The following ZNF268 variants were observed in gnomAD, a reference collection of about 807,000 sequenced individuals.
The protein encoded by ZNF268 is zinc finger protein 3.
In ZNF268, 20 loss-of-function variants were observed where a neutral mutation model predicts 29.3. The ratio of observed to expected loss-of-function variants is 0.68; its 90% CI spans 0.48 to 0.99. The LOEUF is 0.99. Ranked by LOEUF, ZNF268 falls within the 50% of genes least tolerant of loss-of-function variation. The pLI is 0.00. For missense variants in ZNF268, 1,240 were observed against 1,121.6 expected, an observed-to-expected ratio of 1.11 and a Z score of -1.51; for synonymous variants, 429 against 376.9, an observed-to-expected ratio of 1.14 and a Z score of -1.60.
Position 133,181,941 on chromosome 12 carries a change from T to C in ZNF268, c.-52-5T>C. ...CCTCTTTCTTCACTGTGCTCTCTCT[T>C]CTAGCATCCCTCGCGTCCTGTCACT... is the stretch of plus-strand genomic sequence containing the variant. On this transcript the variant is annotated splice_region_variant and splice_polypyrimidine_tract_variant and intron_variant, in intron 1 of 5. Coordinates refer to ENST00000536435, the MANE Select transcript of ZNF268 (RefSeq NM_003415.3). The C allele has an allele frequency of 1.3e-6, 2 of 1,546,606 alleles. No homozygotes were observed. The highest frequency in any genetic ancestry group is 1.8e-6 in the Non-Finnish European group (2 of 1,142,072).
rs1170398316 is a variant in ZNF268 at position 133,204,202 on chromosome 12, G to C, written c.2516G>C (p.Ser839Thr). 6.5e-7 allele frequency: 1 copy of C among 1,540,542 alleles called. No individual in the cohort carries two copies. Among genetic ancestry groups the C allele is most frequent in the East Asian group, 2.4e-5 (1 of 40,902 alleles). ...GCAGGGGTCAACCCTTATAAATGCA[G>C]TCAATGTGAGAAATCCTTCAGTGGG... is the stretch of plus-strand genomic sequence containing the variant. ...THAGVNPYKC[S>T]QCEKSFSGKL... The change falls in exon 6 of 6, where the codon AGT (serine) becomes ACT (threonine). Residue 839 changes from serine to threonine, a missense_variant. Around this residue, in one of 3 missense-constraint regions of ZNF268, gnomAD observed 1,177 missense variants for 1,039.6 expected, o/e 1.13. Transcript: ENST00000536435.
At chr12:133,188,749 T>G (rs1956387241) in intron 3 of ZNF268, among the ~76,000 whole-genome samples, 1 of 152,208 alleles carries the variant, frequency 6.6e-6, no homozygotes, top group Non-Finnish European at 1.5e-5. Context: ...TTAATAAGAT[T>G]CAGTGATTCA....
chr12:133,191,332 A>T, intron 3 of ZNF268, 157 bp from the exon 4 acceptor site: 22 of 776,754 alleles, frequency 2.8e-5, no homozygotes, highest in Non-Finnish European at 4.0e-5. Context: ...AAAAAAAAAA[A>T]GAAAGAAAGA....
Position 133,202,909 on chromosome 12 carries a change from G to T in ZNF268, c.1223G>T (p.Arg408Ile), listed in dbSNP as rs532802418. 1.3e-6 allele frequency: 2 copies of T among 1,548,110 alleles called. No individual in the cohort carries two copies. Among genetic ancestry groups the T allele is most frequent in the African/African-American group, 1.4e-5 (1 of 73,480 alleles). Residue 408 changes from arginine to isoleucine, a missense_variant, in exon 6 of 6, where the codon AGA becomes ATA. By Grantham distance (97) the Arg-to-Ile change is moderately conservative. Transcript: ENST00000536435. Reference sequence around the variant, plus strand: ...AAATCACAGCTCATTATACATGAAAGAATTCATACAGGAGAGAAACCATAT... The same window carrying T: ...AAATCACAGCTCATTATACATGAAATAATTCATACAGGAGAGAAACCATAT... ...GLKSQLIIHE[R>I]IHTGEKPYEC...
chr12:133,197,649 C>T (rs1032238494), intron 5 of ZNF268, among the ~76,000 whole-genome samples: 120 of 152,288 alleles, frequency 7.9e-4, no homozygotes, highest in Non-Finnish European at 1.0e-3. Context: ...TTTACAGTCC[C>T]ACCAACAGTG....
chr12:133,194,575 T>C (rs923060625), intron 5 of ZNF268, among the ~76,000 whole-genome samples: 6 of 152,188 alleles, frequency 3.9e-5, no homozygotes, highest in African/African-American at 1.4e-4. Flanking sequence ...CCAAGCAGAC[T>C]GATCATGTTC....
At chr12:133,198,715 C>T (rs1593912156) in intron 5 of ZNF268, among the ~76,000 whole-genome samples, 1 of 150,586 alleles carries the variant, frequency 6.6e-6, no homozygotes, top group Admixed American at 6.6e-5. Flanking sequence ...TTTCATTGAG[C>T]AGTGGTTTGT....
chr12:133,184,257 A>G (rs1160543163), intron 2 of ZNF268, among the ~76,000 whole-genome samples: 1 of 150,856 alleles, frequency 6.6e-6, no homozygotes, highest in South Asian at 2.1e-4. Flanking sequence ...GTGTGCCACC[A>G]CGCCCAGCTA....
In ZNF268 at chr12:133,212,274, T is replaced by A. The variant is rs1034545108; in HGVS notation, c.*7744T>A. On this transcript the variant is annotated 3_prime_UTR_variant, in exon 6 of 6. Transcript: ENST00000536435. ...CAGGCACAAATGGGCCTTTGGAGAGTGTACTCCCTCTGCTTGGTGAAATTA... is the reference window on the plus strand; with the variant it reads ...CAGGCACAAATGGGCCTTTGGAGAGAGTACTCCCTCTGCTTGGTGAAATTA... The A allele has an allele frequency of 1.3e-5, 2 of 151,220 alleles. No individual in the cohort carries two copies. Among genetic ancestry groups the A allele is most frequent in the Non-Finnish European group, 2.9e-5 (2 of 67,838 alleles). 9.4% of individuals were successfully genotyped at this position (151,220 alleles called of 1,614,324 possible).
chr12:133,190,396 A>G (rs904646995), intron 3 of ZNF268, among the ~76,000 whole-genome samples: 1 of 152,166 alleles, frequency 6.6e-6, no homozygotes, highest in African/African-American at 2.4e-5. Context: ...AAGTGACTCT[A>G]CCACTTTTCA....
chr12:133,186,943 C>T (rs1340718144), intron 2 of ZNF268, among the ~76,000 whole-genome samples: 1 of 152,184 alleles, frequency 6.6e-6, no homozygotes, highest in Non-Finnish European at 1.5e-5. Flanking sequence ...TATTCTTCCC[C>T]TTGTCATTAT....
intron 3 of ZNF268, among the ~76,000 whole-genome samples, chr12:133,189,669 G>A (rs78350471): frequency 0.016 from 2,496 of 152,224 alleles, 54 homozygotes; most frequent in African/African-American, 0.057. Context: ...ATAAACAGTC[G>A]TGTCATCTTC....
chr12:133,202,679 A>G lies in ZNF268; in HGVS notation c.993A>G (p.Leu331=). ...AGAGAATTCATACAGGAGAGAAACT[A>G]CATGAATGCAGTGAATGCAGGAAAA... ...VHQRIHTGEK[L]HECSECRKTF... Residue 331 remains leucine, a synonymous_variant, in exon 6 of 6, where the codon CTA becomes CTG. Coordinates refer to ENST00000536435, the MANE Select transcript of ZNF268 (RefSeq NM_003415.3). 3 of 1,608,976 alleles carry G rather than the reference A, an allele frequency of 1.9e-6. No individual in the cohort carries two copies. The highest frequency in any genetic ancestry group is 2.5e-6 in the Non-Finnish European group (3 of 1,177,380).
At chr12:133,189,889 C>A (rs1039901306) in intron 3 of ZNF268, among the ~76,000 whole-genome samples, 2 of 152,292 alleles carry the variant, frequency 1.3e-5, no homozygotes, top group South Asian at 4.1e-4. Context: ...CTCACTGTAA[C>A]CTCTGCTTCC....
chr12:133,201,300 T>A (rs1167877075), intron 5 of ZNF268, among the ~76,000 whole-genome samples: 1 of 152,052 alleles, frequency 6.6e-6, no homozygotes, highest in Non-Finnish European at 1.5e-5. Context: ...CAGAGTAGCT[T>A]AGTTTTTTTA....
intron 5 of ZNF268, among the ~76,000 whole-genome samples, chr12:133,192,286 T>G (rs1956495801): frequency 6.6e-6 from 1 of 152,038 alleles, no homozygotes; most frequent in Non-Finnish European, 1.5e-5. Flanking sequence ...TTTTGTATTT[T>G]TAGTAGAGAT....
In ZNF268 at chr12:133,212,566, CATATA is replaced by C. The variant is rs1957004554; in HGVS notation, c.*8037_*8041del. 1 of 149,174 alleles carries C rather than the reference CATATA, an allele frequency of 6.7e-6. No individual in the cohort carries two copies. Among genetic ancestry groups the C allele is most frequent in the African/African-American group, 2.5e-5 (1 of 40,420 alleles). 9.2% of individuals were successfully genotyped at this position (149,174 alleles called of 1,614,324 possible). A position where few individuals can be genotyped will look rare whatever the true frequency, so the allele number is the denominator to read the frequency against. ...ATACACATATACACATATATATACA[CATATA>C]TATAATAAGAACATTTACCATTTTA... On this transcript the variant is annotated 3_prime_UTR_variant, in exon 6 of 6. Transcript: ENST00000536435.
chr12:133,195,573 G>A (rs1956573021), intron 5 of ZNF268, among the ~76,000 whole-genome samples: 1 of 152,076 alleles, frequency 6.6e-6, no homozygotes, highest in South Asian at 2.1e-4. Flanking sequence ...TGGTCATGAT[G>A]ACTGTTGCCA....
chr12:133,204,302 C>T lies in ZNF268; in HGVS notation c.2616C>T (p.Ala872=). ...ATGAATGCAGTGAGTGTGGAAAAGC[C>T]TTCATTAGGAATTCTCAACTCATTG... is the stretch of plus-strand genomic sequence containing the variant. ...KPYECSECGK[A]FIRNSQLIVH... Residue 872 remains alanine (A), a synonymous_variant, in exon 6 of 6, where the codon GCC becomes GCT. Coordinates refer to ENST00000536435, the MANE Select transcript of ZNF268 (RefSeq NM_003415.3). 2 of 1,557,914 alleles carry T rather than the reference C, an allele frequency of 1.3e-6. No individual in the cohort carries two copies.
Sources: allele counts gnomAD v4.1 joint callset (sites outside exome capture counted in the v4.1 genomes callset), GRCh38; gene constraint gnomAD v4.1.1; regional missense constraint gnomAD v4.1.1; transcripts MANE v1.5; gene names NCBI Gene and HGNC (gene_info 2026-07-23, HGNC 2026-07-21).